RPH3AL: variants seen among roughly 807,000 people sequenced by gnomAD.
RPH3AL encodes the protein rab effector Noc2.
In RPH3AL, 38 loss-of-function variants were observed where a neutral mutation model predicts 43.1. That is an observed-to-expected ratio of 0.88 (90% CI 0.68 to 1.15). The LOEUF (loss-of-function observed/expected upper bound fraction) is 1.15. Among genes scored for constraint, RPH3AL ranks in the 50% most tolerant of loss-of-function variants. The pLI, the probability that RPH3AL is intolerant of heterozygous loss-of-function variation, is 0.00. For synonymous variants in RPH3AL, 189 were observed against 176.3 expected (o/e 1.07, Z -0.57); for missense variants, 462 against 423.2 (o/e 1.09, Z -0.81).
In RPH3AL at chr17:264,759, A is replaced by G. The variant is rs1271332644; in HGVS notation, c.438+17009T>C. On this transcript the variant is annotated intron_variant, in intron 6 of 9. Coordinates refer to ENST00000331302, the MANE Select transcript of RPH3AL (RefSeq NM_006987.4). The surrounding 1 kb of genome is among the most constrained non-coding windows in gnomAD (Gnocchi z 4.8). The stretch of plus-strand genomic sequence containing the variant: ...CAAAAATGGAACACAGAATGCAGCC[A>G]TTCTTCCCCAAACACCTGTTTACAG... Among the ~76,000 whole-genome samples, 2 of 152,150 alleles carry G rather than the reference A, an allele frequency of 1.3e-5. No individual in the cohort carries two copies. The highest frequency in any genetic ancestry group is 2.9e-5 in the Non-Finnish European group (2 of 68,032).
intron 5 of RPH3AL, among the ~76,000 whole-genome samples, chr17:309,293 T>C (rs558700115): frequency 6.6e-5 from 10 of 152,244 alleles, no homozygotes; most frequent in African/African-American, 2.2e-4. Flanking sequence ...ACCTTGTCTC[T>C]TAAAAAAGGA....
chr17:322,085 G>A lies in RPH3AL; in HGVS notation c.78-670C>T, dbSNP rs924466165. Among the ~76,000 whole-genome samples, 9 of 152,132 alleles carry A rather than the reference G, an allele frequency of 5.9e-5. No individual in the cohort carries two copies. The highest frequency in any genetic ancestry group is 2.1e-4 in the South Asian group (1 of 4,826). ...AGCAGGTTCGAGGCGGGGGGGAAGCGAGTTACAGAAGAGGAGCCGTGGTGA... is the reference window on the plus strand; with the variant it reads ...AGCAGGTTCGAGGCGGGGGGGAAGCAAGTTACAGAAGAGGAGCCGTGGTGA... On this transcript the variant is annotated intron_variant, in intron 3 of 9. Coordinates refer to ENST00000331302, the MANE Select transcript of RPH3AL (RefSeq NM_006987.4). The surrounding 1 kb of genome is among the most constrained non-coding windows in gnomAD (Gnocchi z 4.0).
chr17:252,122 G>A (rs1021623081), intron 6 of RPH3AL, among the ~76,000 whole-genome samples: 2 of 151,734 alleles, frequency 1.3e-5, no homozygotes, highest in African/African-American at 4.8e-5. Context: ...TAGGTGGTGT[G>A]CGCCAATACA....
At chr17:262,367 C>A (rs1479752416) in intron 6 of RPH3AL, among the ~76,000 whole-genome samples, 1 of 152,162 alleles carries the variant, frequency 6.6e-6, no homozygotes, top group African/African-American at 2.4e-5. Context: ...AGGCACCCGC[C>A]ACCAGGCCCG....
chr17:275,388 A>G lies in RPH3AL; in HGVS notation c.438+6380T>C, dbSNP rs2042630136. On this transcript the variant is annotated intron_variant, in intron 6 of 9. Coordinates refer to ENST00000331302, the MANE Select transcript of RPH3AL (RefSeq NM_006987.4). ...CAACATGGGTGAATTTCAAGATCACAATGTCGAATAAAGAAGAAATGCACA... is the reference window on the plus strand; with the variant it reads ...CAACATGGGTGAATTTCAAGATCACGATGTCGAATAAAGAAGAAATGCACA... Among the ~76,000 whole-genome samples, 3 of 152,136 alleles carry G rather than the reference A, an allele frequency of 2.0e-5. No individual in the cohort carries two copies. The South Asian group carries it at 6.2e-4, about 32-fold the overall frequency.
chr17:235,498 T>TC (rs2041353392), intron 7 of RPH3AL, among the ~76,000 whole-genome samples: 1 of 140,938 alleles, frequency 7.1e-6, no homozygotes, highest in African/African-American at 2.6e-5. Context: ...ACAAGACGGA[T>TC]CCAGGGTTCA....
rs75880449 is a variant in RPH3AL, at chr17:264,567, T to C, written c.438+17201A>G. ...GGGGACTCAGAATCCGCACCGTGTG[T>C]GTGACCACTGCATGGTGGTTTTCCG... On this transcript the variant is annotated intron_variant, in intron 6 of 9. Coordinates refer to ENST00000331302, the MANE Select transcript of RPH3AL (RefSeq NM_006987.4). This position sits in a 1 kb window ranked among gnomAD's most constrained non-coding sequence, Gnocchi z 4.8. Among the ~76,000 whole-genome samples the C allele has an allele frequency of 7.5e-4, 114 of 152,240 alleles. 2 individuals carry two copies. In the East Asian group the frequency reaches 0.019, roughly 25 times the overall value.
At chr17:258,339 C>T (rs968910065) in intron 6 of RPH3AL, among the ~76,000 whole-genome samples, 11 of 152,202 alleles carry the variant, frequency 7.2e-5, no homozygotes, top group African/African-American at 2.4e-4. Flanking sequence ...CTGGCAGCTG[C>T]GGGTCGTTTG....
intron 5 of RPH3AL, among the ~76,000 whole-genome samples, chr17:316,249 A>C (rs2044169720): frequency 9.7e-6 from 1 of 103,096 alleles, no homozygotes; most frequent in African/African-American, 3.4e-5. Context: ...ACCTCCATTG[A>C]CCTGTAGTCC....
chr17:304,931 G>A (rs1467769379), intron 5 of RPH3AL, among the ~76,000 whole-genome samples: 1 of 97,060 alleles, frequency 1.0e-5, no homozygotes, highest in East Asian at 2.9e-4. Context: ...GGCACAGGGC[G>A]AGAGGGGGAC....
At chr17:232,329 G>A (rs1597892589) in intron 7 of RPH3AL, among the ~76,000 whole-genome samples, 1 of 152,206 alleles carries the variant, frequency 6.6e-6, no homozygotes, top group South Asian at 2.1e-4. Flanking sequence ...TAACGGAGAC[G>A]CACAGCGCCC....
At chr17:347,416 A>G (rs888725729) in intron 1 of RPH3AL, among the ~76,000 whole-genome samples, 10 of 152,208 alleles carry the variant, frequency 6.6e-5, no homozygotes, top group Admixed American at 1.3e-4. Context: ...CTTTGTATCT[A>G]TGAAAAATAA....
intron 7 of RPH3AL, among the ~76,000 whole-genome samples, chr17:235,063 G>A (rs2041330564): frequency 1.3e-5 from 2 of 152,052 alleles, no homozygotes; most frequent in South Asian, 4.1e-4. Context: ...TATTAGCTCG[G>A]TGGGCGGAGG....
intron 7 of RPH3AL, among the ~76,000 whole-genome samples, chr17:226,785 T>C (rs780824648): frequency 4.6e-5 from 7 of 152,250 alleles, no homozygotes; most frequent in Non-Finnish European, 8.8e-5. Context: ...GCAGCTGTGA[T>C]TGTCAGTCTT....
chr17:230,882 C>T (rs933239951), intron 7 of RPH3AL, among the ~76,000 whole-genome samples: 7 of 152,074 alleles, frequency 4.6e-5, no homozygotes, highest in African/African-American at 1.2e-4. Flanking sequence ...GACAGGGTCT[C>T]GCTATGTTGT....
At chr17:339,108 A>G (rs141050975) in intron 1 of RPH3AL, 1 of 152,488 alleles carries the variant, frequency 6.6e-6, no homozygotes, top group Non-Finnish European at 1.5e-5. Context: ...CTCGCCTGCT[A>G]TCTGTGGGCC....
At chr17:324,508 C>T (rs1477379593) in intron 3 of RPH3AL, among the ~76,000 whole-genome samples, 1 of 152,188 alleles carries the variant, frequency 6.6e-6, no homozygotes, top group Non-Finnish European at 1.5e-5. Flanking sequence ...CTGTCCTTCC[C>T]CTGCACGTTC....
At chr17:294,569 GAGCTGCAGAAAT>G (rs2043126036) in intron 5 of RPH3AL, among the ~76,000 whole-genome samples, 1 of 92,600 alleles carries the variant, frequency 1.1e-5, no homozygotes, top group African/African-American at 4.1e-5. Context: ...AGGGACAGAG[GAGCTGCAGAAAT>G]GGATGGACAG....
At chr17:267,847 G>A (rs556989949) in intron 6 of RPH3AL, among the ~76,000 whole-genome samples, 136 of 152,006 alleles carry the variant, frequency 8.9e-4, no homozygotes, top group Non-Finnish European at 1.3e-3. Flanking sequence ...TGATTTTAGC[G>A]ACCTCCTCTC....
Sources: gnomAD v4.1 joint callset for allele counts (sites outside exome capture counted in the v4.1 genomes callset) on GRCh38, gnomAD v4.1.1 for gene constraint, Gnocchi (gnomAD v3.1) non-coding constraint, MANE v1.5 for transcripts, NCBI Gene and HGNC (gene_info 2026-07-23, HGNC 2026-07-21) for gene names.